The following FNDC3B variants were observed in gnomAD, a reference collection of about 807,000 sequenced individuals.
The protein encoded by FNDC3B is fibronectin type III domain containing 3B.
Under a neutral mutation model 151.5 loss-of-function variants are expected in FNDC3B, and 12 were observed. The observed-to-expected ratio is 0.08, with a 90% CI of 0.05 to 0.13. FNDC3B has a LOEUF of 0.13. Among genes scored for constraint, FNDC3B ranks in the 10% least tolerant of loss-of-function variants. The pLI, the probability that FNDC3B is intolerant of heterozygous loss-of-function variation, is 1.00. For synonymous variants in FNDC3B, 528 were observed against 549.0 expected (o/e 0.96, Z 0.54); for missense variants, 1,214 against 1,505.3 (o/e 0.81, Z 3.20).
intron 23 of FNDC3B, among the ~76,000 whole-genome samples, chr3:172,376,879 A>C (rs1261052961): frequency 6.6e-6 from 1 of 151,386 alleles, no homozygotes; most frequent in Non-Finnish European, 1.5e-5. Flanking sequence ...AGAAAAGAAA[A>C]GAAAAAGAAA....
chr3:172,233,870 G>T (rs1275234312), intron 4 of FNDC3B, among the ~76,000 whole-genome samples: 4 of 152,194 alleles, frequency 2.6e-5, no homozygotes, highest in Non-Finnish European at 5.9e-5. Flanking sequence ...TACATTGTGT[G>T]CATGGGGGTT....
chr3:172,349,881 C>G (rs1029468556), intron 21 of FNDC3B, among the ~76,000 whole-genome samples: 12 of 152,090 alleles, frequency 7.9e-5, no homozygotes, highest in Non-Finnish European at 1.6e-4. Flanking sequence ...GTCTCGAACT[C>G]CCGACCTCAG....
At chr3:172,384,536 A>C (rs1259125010) in intron 25 of FNDC3B, among the ~76,000 whole-genome samples, 1 of 152,212 alleles carries the variant, frequency 6.6e-6, no homozygotes, top group Non-Finnish European at 1.5e-5. Flanking sequence ...GCTTAATAAT[A>C]ATTCATTTCC....
intron 11 of FNDC3B, among the ~76,000 whole-genome samples, chr3:172,325,618 C>G (rs2108278132): frequency 6.6e-6 from 1 of 152,248 alleles, no homozygotes; most frequent in Admixed American, 6.5e-5. Flanking sequence ...TCTTCTATGC[C>G]TTTGAACACG....
At chr3:172,113,343 A>G (rs1191458467) in intron 2 of FNDC3B, among the ~76,000 whole-genome samples, 1 of 152,224 alleles carries the variant, frequency 6.6e-6, no homozygotes, top group Non-Finnish European at 1.5e-5. Context: ...GAAAATACCC[A>G]AAATATACTA....
At chr3:172,242,666 C>T (rs1437837852) in intron 4 of FNDC3B, among the ~76,000 whole-genome samples, 1 of 152,156 alleles carries the variant, frequency 6.6e-6, no homozygotes, top group African/African-American at 2.4e-5. Context: ...GCCCACACAA[C>T]CATTTTATCC....
At position 172,307,434 on chromosome 3, in the gene FNDC3B, C is replaced by T; in HGVS notation, c.1133C>T (p.Ala378Val). Residue 378 changes from alanine (A) to valine (V), a missense_variant, in exon 10 of 26, where the codon GCA becomes GTA. Physicochemically the swap from Ala to Val is moderately conservative, Grantham distance 64. Coordinates refer to ENST00000415807, the MANE Select transcript of FNDC3B (RefSeq NM_022763.4). ...GTTAGCTTCACCACCCACAGCTGTG[C>T]ACCCGAGTGTCCTTTCCCCCCTAAG... Reference protein sequence around the residue: ...EPVSFTTHSCAPECPFPPKLA... With the variant: ...EPVSFTTHSCVPECPFPPKLA... 13 of 1,614,074 alleles carry T rather than the reference C, an allele frequency of 8.1e-6. No homozygotes were observed. The highest frequency in any genetic ancestry group is 1.1e-5 in the Non-Finnish European group (13 of 1,179,914).
chr3:172,400,106 A>G lies in FNDC3B; in HGVS notation c.*2631A>G, dbSNP rs1490815095. On this transcript the variant is annotated 3_prime_UTR_variant, in exon 26 of 26. Transcript: ENST00000415807. ...TATATATTGCCATCACACACGAACA[A>G]TAAAATAAAGTGTTCTATTAACCTG... 4 of 152,360 alleles carry G rather than the reference A, an allele frequency of 2.6e-5. No homozygotes were observed. The highest frequency in any genetic ancestry group is 4.8e-5 in the African/African-American group (2 of 41,438). The allele number at this position is 152,360 out of a possible 1,614,324, so 9.4% of individuals were successfully genotyped here.
chr3:172,075,727 AC>A (rs1199577936), intron 1 of FNDC3B, among the ~76,000 whole-genome samples: 2 of 13,080 alleles, frequency 1.5e-4, no homozygotes, highest in African/African-American at 7.0e-4. Context: ...CCCAGTAAAC[AC>A]ACACACACAC....
intron 1 of FNDC3B, among the ~76,000 whole-genome samples, chr3:172,100,038 A>G (rs1559965391): frequency 6.6e-6 from 1 of 152,210 alleles, no homozygotes; most frequent in Non-Finnish European, 1.5e-5. Context: ...GGTGACATTA[A>G]CTGAAAAATA....
rs115591157 is a variant in FNDC3B at position 172,155,723 on chromosome 3, A to G, written c.187+22177A>G. Among the ~76,000 whole-genome samples the G allele has an allele frequency of 7.6e-3, 1,162 of 152,344 alleles. 11 individuals are homozygous for G. Among genetic ancestry groups the G allele is most frequent in the Non-Finnish European group, 8.7e-3 (591 of 68,028 alleles). On this transcript the variant is annotated intron_variant, in intron 3 of 25. Coordinates refer to ENST00000415807, the MANE Select transcript of FNDC3B (RefSeq NM_022763.4). ...TAGGAGTGAATGGAGAGGATGGGAT[A>G]TTAAATATGTAATAGGCCTATTTCC...
intron 2 of FNDC3B, among the ~76,000 whole-genome samples, chr3:172,122,828 T>C (rs1720616969): frequency 6.6e-6 from 1 of 152,184 alleles, no homozygotes; most frequent in African/African-American, 2.4e-5. Context: ...AATTGGGCAG[T>C]TAAGTGGAGA....
chr3:172,296,815 A>G (rs1302901008), intron 8 of FNDC3B, among the ~76,000 whole-genome samples: 1 of 152,218 alleles, frequency 6.6e-6, no homozygotes, highest in African/African-American at 2.4e-5. Context: ...CATGCAGACC[A>G]GAACAATATT....
intron 1 of FNDC3B, among the ~76,000 whole-genome samples, chr3:172,061,626 CTG>C (rs1327324833): frequency 1.3e-5 from 2 of 152,166 alleles, no homozygotes; most frequent in African/African-American, 4.8e-5. Context: ...CATGTACAAT[CTG>C]TGGGGGAAGA....
Position 172,397,216 on chromosome 3 carries a change from C to T in FNDC3B, c.3356C>T (p.Thr1119Ile), listed in dbSNP as rs1736332736. Residue 1119 changes from threonine to isoleucine, a missense_variant, in exon 26 of 26, where the codon ACA becomes ATA. Thr to Ile is a moderately conservative substitution (Grantham distance 89, BLOSUM62 -1). Transcript: ENST00000415807. ...CAAATCTCAGGCCTCCAGACCAACA[C>T]AGACTACAGGTTCCGCGTATGTGCG... ...TFQISGLQTN[T>I]DYRFRVCACR... The T allele has an allele frequency of 1.2e-6, 2 of 1,614,028 alleles. No homozygotes were observed. Among genetic ancestry groups the T allele is most frequent in the African/African-American group, 2.7e-5 (2 of 74,938 alleles).
intron 3 of FNDC3B, among the ~76,000 whole-genome samples, chr3:172,176,667 A>G (rs1365883267): frequency 6.6e-6 from 1 of 152,210 alleles, no homozygotes; most frequent in Non-Finnish European, 1.5e-5. Context: ...GTGCTGTAGG[A>G]ACCCTGAATT....
intron 11 of FNDC3B, among the ~76,000 whole-genome samples, chr3:172,320,929 A>T (rs748441648): frequency 3.9e-5 from 6 of 152,260 alleles, no homozygotes; most frequent in Non-Finnish European, 7.3e-5. Context: ...TGTTGTTTTC[A>T]GTCTTTCAAC....
At chr3:172,106,932 T>C (rs575865685) in intron 1 of FNDC3B, among the ~76,000 whole-genome samples, 58 of 152,338 alleles carry the variant, frequency 3.8e-4, no homozygotes, top group Non-Finnish European at 4.1e-4. Flanking sequence ...AAAGTTTTCT[T>C]TAAAAGCTTT....
At chr3:172,191,902 A>T (rs1026013593) in intron 3 of FNDC3B, among the ~76,000 whole-genome samples, 1 of 152,102 alleles carries the variant, frequency 6.6e-6, no homozygotes, top group African/African-American at 2.4e-5. Flanking sequence ...AGGATATAGA[A>T]GTAGCCTCTG....
Sources: gnomAD v4.1 joint callset for allele counts (sites outside exome capture counted in the v4.1 genomes callset) on GRCh38, gnomAD v4.1.1 for gene constraint, MANE v1.5 for transcripts, NCBI Gene and HGNC (gene_info 2026-07-23, HGNC 2026-07-21) for gene names.